Variants in ZAR1 observed in about 807,000 individuals in gnomAD.
ZAR1 encodes the protein zygote arrest 1.
Under a neutral mutation model 38.3 loss-of-function variants are expected in ZAR1, and 37 were observed. The observed-to-expected ratio is 0.97, with a 90% CI of 0.74 to 1.27. The LOEUF (loss-of-function observed/expected upper bound fraction) is 1.27. Among genes scored for constraint, ZAR1 ranks in the 50% most tolerant of loss-of-function variants. ZAR1 has a pLI of 0.00. For missense variants in ZAR1, 651 were observed against 632.4 expected (o/e 1.03, Z -0.32); for synonymous variants, 336 against 292.0 (o/e 1.15, Z -1.53).
At position 48,490,787 on chromosome 4, in the gene ZAR1, C is replaced by G. The variant is rs1718409032; in HGVS notation, c.496C>G (p.Gln166Glu). ...TCGAGGCCTGGAGCAGGGCAGCCCCCAGAACGGCGCCCCGCGGCCCATGCG... is the reference window on the plus strand; with the variant it reads ...TCGAGGCCTGGAGCAGGGCAGCCCCGAGAACGGCGCCCCGCGGCCCATGCG... ...SRRGLEQGSP[Q>E]NGAPRPMRFP... Residue 166 changes from glutamine to glutamate, a missense_variant, in exon 1 of 4, where the codon CAG (glutamine) becomes GAG (glutamate). By Grantham distance (29) the Gln-to-Glu change is conservative. Transcript: ENST00000327939. 1.3e-6 allele frequency: 2 copies of G among 1,503,592 alleles called. No homozygotes were observed. The highest frequency in any genetic ancestry group is 2.5e-5 in the South Asian group (2 of 80,238). 93.1% of individuals were successfully genotyped at this position (1,503,592 alleles called of 1,614,324 possible).
Position 48,490,561 on chromosome 4 carries a change from G to A in ZAR1, c.270G>A (p.Val90=), listed in dbSNP as rs769255444. The A allele has an allele frequency of 8.4e-6, 12 of 1,432,096 alleles. No individual in the cohort carries two copies. In the South Asian group the frequency reaches 1.3e-4, roughly 15 times the overall value. The allele number at this position is 1,432,096 out of a possible 1,614,324, so 88.7% of individuals were successfully genotyped here. ...GGCTCATGGCTCTCCTGGCGCAGGT[G>A]GGGCCGGGTCTCGGGCCGCGCGCCC... is the stretch of plus-strand genomic sequence containing the variant. ...RERLMALLAQ[V]GPGLGPRARR... The change falls in exon 1 of 4, where the codon GTG becomes GTA. Residue 90 remains valine, a synonymous_variant. Transcript: ENST00000327939.
At chr4:48,492,024 G>T (rs1451779599) in intron 1 of ZAR1, among the ~76,000 whole-genome samples, 1 of 152,148 alleles carries the variant, frequency 6.6e-6, no homozygotes, top group East Asian at 1.9e-4. Flanking sequence ...GGCGGGGTTG[G>T]TGGCGGTAGG....
At chr4:48,495,586 A>C (rs1308185908), downstream of ZAR1, among the ~76,000 whole-genome samples, 1 of 150,788 alleles carries the variant, frequency 6.6e-6, no homozygotes, top group Non-Finnish European at 1.5e-5. Flanking sequence ...TCGGTAGAGA[A>C]GAGGTGGCAT....
chr4:48,495,755 A>G (rs1214172056), downstream of ZAR1, among the ~76,000 whole-genome samples: 1 of 152,190 alleles, frequency 6.6e-6, no homozygotes, highest in Non-Finnish European at 1.5e-5. Flanking sequence ...ACCTCAGCTA[A>G]GCTCCAGTTC....
In ZAR1 at chr4:48,490,980, C is replaced by T. The variant is rs371294341; in HGVS notation, c.689C>T (p.Thr230Met). 7.4e-6 allele frequency: 10 copies of T among 1,356,886 alleles called. No individual in the cohort carries two copies. The East Asian group carries it at 1.2e-4, about 17-fold the overall frequency. The allele number at this position is 1,356,886 out of a possible 1,614,324, so 84.1% of individuals were successfully genotyped here. The part of the protein sequence containing the change: ...LQGPEEGEVW[T>M]KKAPRRPQSD... ...GGCCCAGAGGAGGGGGAGGTGTGGA[C>T]GAAGAAGGCGCCCCGGCGGCCGCAG... Residue 230 changes from threonine (T) to methionine (M), a missense_variant, in exon 1 of 4, where the codon ACG becomes ATG. This residue lies in a region of ZAR1 where 522 missense variants were observed against 459.9 expected (regional missense o/e 1.14). Transcript: ENST00000327939.
At position 48,490,638 on chromosome 4, in the gene ZAR1, C is replaced by T. The variant is rs575207390; in HGVS notation, c.347C>T (p.Ala116Val). Residue 116 changes from alanine to valine, a missense_variant, in exon 1 of 4, where the codon GCC (alanine) becomes GTC (valine). Physicochemically the swap from Ala to Val is moderately conservative, Grantham distance 64. This residue lies in a region of ZAR1 where 522 missense variants were observed against 459.9 expected (regional missense o/e 1.14). Coordinates refer to ENST00000327939, the MANE Select transcript of ZAR1 (RefSeq NM_175619.3). ...GTGCAGGTGAGCCCGCGCATCGACG[C>T]CGCGGTACAGTGCTCGCTGGGGAGG... ...VAVQVSPRID[A>V]AVQCSLGRRT... 1.5e-6 allele frequency: 2 copies of T among 1,355,050 alleles called. No individual in the cohort carries two copies. Among genetic ancestry groups the T allele is most frequent in the East Asian group, 6.3e-5 (2 of 31,982 alleles). 83.9% of individuals were successfully genotyped at this position (1,355,050 alleles called of 1,614,324 possible). A position where few individuals can be genotyped will look rare whatever the true frequency, so the allele number is the denominator to read the frequency against.
At chr4:48,496,211 A>AAAG (rs1316645148), downstream of ZAR1, among the ~76,000 whole-genome samples, 3 of 152,190 alleles carry the variant, frequency 2.0e-5, no homozygotes, top group Non-Finnish European at 4.4e-5. Flanking sequence ...GGGACCTGAT[A>AAAG]AAGTGGTGGC....
rs749494270 is a variant in ZAR1 at position 48,492,855 on chromosome 4, C to T, written c.1053C>T (p.Asn351=). Residue 351 remains asparagine (N), a synonymous_variant, in exon 2 of 4, where the codon AAC becomes AAT. Coordinates refer to ENST00000327939, the MANE Select transcript of ZAR1 (RefSeq NM_175619.3). ...ATGTGTGGTGTGTACAGGGAACTAA[C>T]AAGGTAAGAAATACCAGGTAACTGG... is the stretch of plus-strand genomic sequence containing the variant. ...SAYVWCVQGT[N]KVYFKQFCRT... The T allele has an allele frequency of 1.1e-5, 18 of 1,614,052 alleles. No homozygotes were observed. Among genetic ancestry groups the T allele is most frequent in the Middle Eastern group, 1.6e-4 (1 of 6,084 alleles).
chr4:48,495,251 TGTA>T (rs141444839), downstream of ZAR1, among the ~76,000 whole-genome samples: 57 of 152,032 alleles, frequency 3.7e-4, no homozygotes, highest in East Asian at 4.2e-3. Context: ...AAATTAAAGT[TGTA>T]GTATTGGTTT....
chr4:48,490,345 CCCCTGCT>C lies in ZAR1; in HGVS notation c.56_62del (p.Pro19ArgfsTer49). The C allele has an allele frequency of 1.3e-6, 2 of 1,514,182 alleles. No homozygotes were observed. The highest frequency in any genetic ancestry group is 1.8e-6 in the Non-Finnish European group (2 of 1,137,358). 93.8% of individuals were successfully genotyped at this position (1,514,182 alleles called of 1,614,324 possible). The stretch of plus-strand genomic sequence containing the variant: ...ACGGTTACGTGTTCCCGGCGTGCCC[CCCCTGCT>C]CGTACCGGTACCCATACCCCGCGGC... On this transcript the variant is annotated frameshift_variant, in exon 1 of 4. Coordinates refer to ENST00000327939, the MANE Select transcript of ZAR1 (RefSeq NM_175619.3). LOFTEE classifies it high-confidence loss of function.
At chr4:48,494,791 G>A (rs1372679059), downstream of ZAR1, among the ~76,000 whole-genome samples, 4 of 152,196 alleles carry the variant, frequency 2.6e-5, no homozygotes, top group Non-Finnish European at 5.9e-5. Context: ...GGTTAACGTT[G>A]AGTAAGAATG....
chr4:48,491,341 C>G, intron 1 of ZAR1, 87 bp downstream of exon 1: 1 of 1,050,132 alleles, frequency 9.5e-7, no homozygotes. Context: ...TTCGGGCACT[C>G]GGAGGTGCGG....
chr4:48,492,707 C>CTGT, intron 1 of ZAR1, 59 bp from the exon 2 acceptor site: 1 of 1,521,696 alleles, frequency 6.6e-7, no homozygotes, highest in African/African-American at 1.4e-5. Flanking sequence ...TTCCCAACGT[C>CTGT]TGAAATGAAG....
downstream of ZAR1, among the ~76,000 whole-genome samples, chr4:48,495,008 TC>T (rs1455054876): frequency 6.6e-6 from 1 of 152,152 alleles, no homozygotes; most frequent in Non-Finnish European, 1.5e-5. Context: ...ACTTTGTGTT[TC>T]TTCAAAGCCT....
At position 48,494,168 on chromosome 4, in the gene ZAR1, G is replaced by A. The variant is rs1342550322; in HGVS notation, c.1199G>A (p.Arg400His). 3.7e-6 allele frequency: 6 copies of A among 1,614,060 alleles called. No homozygotes were observed. The highest frequency in any genetic ancestry group is 5.1e-6 in the Non-Finnish European group (6 of 1,180,034). ...LRHVDPKRPH[R>H]QDLCGRCKGK... ...CACGTGGACCCTAAACGGCCCCACC[G>A]TCAAGATTTGTGCGGTAGATGCAAA... Residue 400 changes from arginine to histidine, a missense_variant, in exon 4 of 4, where the codon CGT becomes CAT. Physicochemically the swap from Arg to His is conservative, Grantham distance 29. Around this residue, in one of 2 missense-constraint regions of ZAR1, gnomAD observed 129 missense variants for 172.5 expected, o/e 0.75. Coordinates refer to ENST00000327939, the MANE Select transcript of ZAR1 (RefSeq NM_175619.3).
Position 48,490,929 on chromosome 4 carries a change from G to A in ZAR1, c.638G>A (p.Arg213Lys). Residue 213 changes from arginine to lysine, a missense_variant, in exon 1 of 4, where the codon AGG (arginine) becomes AAG (lysine). Physicochemically the swap from Arg to Lys is conservative, Grantham distance 26 (BLOSUM62 2). Around this residue, in one of 2 missense-constraint regions of ZAR1, gnomAD observed 522 missense variants for 459.9 expected, o/e 1.14. Transcript: ENST00000327939. Reference protein sequence around the residue: ...EQRSGASDGERGPPPARLQGP... With the variant: ...EQRSGASDGEKGPPPARLQGP... The stretch of plus-strand genomic sequence containing the variant: ...AGGTCCGGGGCGTCGGACGGAGAGA[G>A]GGGGCCGCCGCCCGCGCGGCTTCAA... 7.4e-7 allele frequency: 1 copy of A among 1,344,864 alleles called. No individual in the cohort carries two copies. Among genetic ancestry groups the A allele is most frequent in the Non-Finnish European group, 9.5e-7 (1 of 1,053,164 alleles). The allele number at this position is 1,344,864 out of a possible 1,614,324, so 83.3% of individuals were successfully genotyped here.
Position 48,490,335 on chromosome 4 carries a change from C to G in ZAR1, c.44C>G (p.Pro15Arg). Residue 15 changes from proline (P) to arginine (R), a missense_variant, in exon 1 of 4, where the codon CCG (proline) becomes CGG (arginine). Transcript: ENST00000327939. ...GAGGTGCTGGACGGTTACGTGTTCC[C>G]GGCGTGCCCCCCCTGCTCGTACCGG... is the stretch of plus-strand genomic sequence containing the variant. ...GDEVLDGYVFPACPPCSYRYP... is the reference protein window; with the variant it reads ...GDEVLDGYVFRACPPCSYRYP... 4.0e-6 allele frequency: 6 copies of G among 1,513,756 alleles called. No individual in the cohort carries two copies. Among genetic ancestry groups the G allele is most frequent in the Non-Finnish European group, 5.3e-6 (6 of 1,137,124 alleles). The allele number at this position is 1,513,756 out of a possible 1,614,324, so 93.8% of individuals were successfully genotyped here.
rs776037998 is a variant in ZAR1, at chr4:48,493,036, G to GT, written c.1131+25dup. 7.4e-6 allele frequency: 12 copies of GT among 1,611,648 alleles called. No individual in the cohort carries two copies. The East Asian group carries it at 2.7e-4, about 36-fold the overall frequency. On this transcript the variant is annotated intron_variant, in intron 3 of 3. Transcript: ENST00000327939. ...AAGTAAATCAGATGTTTTGCATTTTGTCTGACCTGGGCAGTCGTCGAGGGT... is the reference window on the plus strand; with the variant it reads ...AAGTAAATCAGATGTTTTGCATTTTGTTCTGACCTGGGCAGTCGTCGAGGGT...
In ZAR1 at chr4:48,490,786, C is replaced by A; in HGVS notation, c.495C>A (p.Pro165=). The change falls in exon 1 of 4, where the codon CCC becomes CCA. Residue 165 remains proline (P), a synonymous_variant. Coordinates refer to ENST00000327939, the MANE Select transcript of ZAR1 (RefSeq NM_175619.3). Reference sequence around the variant, plus strand: ...GTCGAGGCCTGGAGCAGGGCAGCCCCCAGAACGGCGCCCCGCGGCCCATGC... The same window carrying A: ...GTCGAGGCCTGGAGCAGGGCAGCCCACAGAACGGCGCCCCGCGGCCCATGC... ...PSRRGLEQGS[P]QNGAPRPMRF... 6.7e-7 allele frequency: 1 copy of A among 1,503,726 alleles called. No individual in the cohort carries two copies. Among genetic ancestry groups the A allele is most frequent in the Non-Finnish European group, 8.8e-7 (1 of 1,133,870 alleles). 93.1% of individuals were successfully genotyped at this position (1,503,726 alleles called of 1,614,324 possible). A position where few individuals can be genotyped will look rare whatever the true frequency, so the allele number is the denominator to read the frequency against.
Sources: allele counts gnomAD v4.1 joint callset (sites outside exome capture counted in the v4.1 genomes callset), GRCh38; gene constraint gnomAD v4.1.1; regional missense constraint gnomAD v4.1.1; transcripts MANE v1.5; gene names NCBI Gene and HGNC (gene_info 2026-07-23, HGNC 2026-07-21).